CELF4: variants seen among roughly 807,000 people sequenced by gnomAD.
CELF4 encodes the protein CUG-BP- and ETR-3-like factor 4.
In CELF4, 18 loss-of-function variants were observed where a neutral mutation model predicts 59.9. That is an observed-to-expected ratio of 0.30 (90% CI 0.21 to 0.45). The LOEUF (loss-of-function observed/expected upper bound fraction) is 0.45, where lower values mean the gene tolerates loss of function less well. Among genes scored for constraint, CELF4 ranks in the 20% least tolerant of loss-of-function variants. The probability of loss-of-function intolerance (pLI) is 1.00; values close to 1 mark genes in which losing one functional copy is unlikely to be tolerated. For synonymous variants in CELF4, 261 were observed against 267.1 expected (o/e 0.98, Z 0.22); for missense variants, 456 against 689.0 (o/e 0.66, Z 3.79).
intron 2 of CELF4, among the ~76,000 whole-genome samples, chr18:37,435,095 CTTTGGGGGTAGAGAA>C (rs2099686281): frequency 6.6e-6 from 1 of 152,118 alleles, no homozygotes; most frequent in Non-Finnish European, 1.5e-5. Context: ...CTGGGTTCCC[CTTTGGGGGTAGAGAA>C]CCCAGGGAAA....
chr18:37,307,713 G>T (rs956502056), intron 3 of CELF4, among the ~76,000 whole-genome samples: 1 of 152,094 alleles, frequency 6.6e-6, no homozygotes, highest in African/African-American at 2.4e-5. Context: ...AGGAGGCTGT[G>T]GGGCCTGGTG....
intron 2 of CELF4, among the ~76,000 whole-genome samples, chr18:37,330,064 C>T (rs891470988): frequency 6.6e-6 from 1 of 152,162 alleles, no homozygotes; most frequent in African/African-American, 2.4e-5. Context: ...AATTTTCAGC[C>T]ATAGGGATAA....
chr18:37,354,723 A>T (rs530650074), intron 2 of CELF4, among the ~76,000 whole-genome samples: 115 of 152,102 alleles, frequency 7.6e-4, no homozygotes, highest in Middle Eastern at 3.4e-3. Flanking sequence ...AGGATGGGGG[A>T]CTTCAGGAGG....
At chr18:37,446,290 A>T (rs1440045188) in intron 2 of CELF4, among the ~76,000 whole-genome samples, 1 of 152,144 alleles carries the variant, frequency 6.6e-6, no homozygotes, top group Non-Finnish European at 1.5e-5. Context: ...AGGACCTTGT[A>T]TTGTAGGCCA....
chr18:37,334,372 T>A (rs1481924459), intron 2 of CELF4, among the ~76,000 whole-genome samples: 1 of 152,138 alleles, frequency 6.6e-6, no homozygotes, highest in Non-Finnish European at 1.5e-5. Context: ...TCTGGGCCTG[T>A]CACCCTGACA....
At chr18:37,433,046 A>G (rs1056916294) in intron 2 of CELF4, among the ~76,000 whole-genome samples, 5 of 152,254 alleles carry the variant, frequency 3.3e-5, no homozygotes, top group Middle Eastern at 3.4e-3. Context: ...TACAAAACCA[A>G]TGAGTGGATT....
At chr18:37,379,950 G>C (rs1475644089) in intron 2 of CELF4, among the ~76,000 whole-genome samples, 1 of 152,172 alleles carries the variant, frequency 6.6e-6, no homozygotes, top group Non-Finnish European at 1.5e-5. Context: ...CTCACCCTTA[G>C]ACCCACCCTT....
intron 2 of CELF4, among the ~76,000 whole-genome samples, chr18:37,355,940 G>A (rs575261282): frequency 6.6e-6 from 1 of 152,282 alleles, no homozygotes; most frequent in Non-Finnish European, 1.5e-5. Context: ...GCCTCGGAAT[G>A]CCCTGGAGGC....
At chr18:37,377,793 G>A in intron 2 of CELF4, among the ~76,000 whole-genome samples, 1 of 152,138 alleles carries the variant, frequency 6.6e-6, no homozygotes, top group East Asian at 1.9e-4. Context: ...TGGGAAGGAT[G>A]CATTCGTTCT....
At chr18:37,485,423 C>A (rs2099878988) in intron 2 of CELF4, 102 bp downstream of exon 2, 1 of 472,376 alleles carries the variant, frequency 2.1e-6, no homozygotes, top group South Asian at 8.7e-5. Flanking sequence ...GGGCGGCGGG[C>A]GCCCTGCCGT....
intron 2 of CELF4, among the ~76,000 whole-genome samples, chr18:37,466,552 G>A (rs1329500056): frequency 6.6e-6 from 1 of 152,144 alleles, no homozygotes; most frequent in Non-Finnish European, 1.5e-5. Context: ...CTCCCACAAA[G>A]TGGGTCTGGT....
At chr18:37,561,900 T>C (rs959231470) in intron 1 of CELF4, among the ~76,000 whole-genome samples, 1 of 152,226 alleles carries the variant, frequency 6.6e-6, no homozygotes. Context: ...TTTCCCAAAG[T>C]GCTCTAATAG....
chr18:37,343,291 T>C (rs563892627), intron 2 of CELF4, among the ~76,000 whole-genome samples: 1 of 150,032 alleles, frequency 6.7e-6, no homozygotes, highest in Non-Finnish European at 1.5e-5. Context: ...CTGTGTGCAT[T>C]TGGGTGTGGG....
chr18:37,328,645 C>T (rs72885304), intron 2 of CELF4, among the ~76,000 whole-genome samples: 7,824 of 152,308 alleles, frequency 0.051, 260 homozygotes, highest in Middle Eastern at 0.11. Flanking sequence ...GCAGTCCTTG[C>T]CCACCTACTT....
intron 3 of CELF4, among the ~76,000 whole-genome samples, chr18:37,297,122 T>TGG (rs2095695852): frequency 6.6e-6 from 1 of 152,032 alleles, no homozygotes; most frequent in African/African-American, 2.4e-5. Flanking sequence ...GGGAGGCCAG[T>TGG]GGAAAGGCCA....
chr18:37,540,211 C>T (rs75122371), intron 1 of CELF4, among the ~76,000 whole-genome samples: 2,590 of 152,246 alleles, frequency 0.017, 84 homozygotes, highest in African/African-American at 0.059. Flanking sequence ...TTGCTGGTAC[C>T]CAGGAGGATG....
At chr18:37,556,709 C>T (rs931841229) in intron 1 of CELF4, among the ~76,000 whole-genome samples, 5 of 152,138 alleles carry the variant, frequency 3.3e-5, no homozygotes, top group Admixed American at 2.0e-4. Flanking sequence ...TGCCCCCTTG[C>T]TTGTCCCTGT....
chr18:37,280,352 C>A (rs992622808), intron 3 of CELF4, among the ~76,000 whole-genome samples: 13 of 152,192 alleles, frequency 8.5e-5, no homozygotes, highest in African/African-American at 2.9e-4. Context: ...ATTGTTAGAA[C>A]AGAGGATCTG....
chr18:37,344,716 C>A (rs1043528828), intron 2 of CELF4, among the ~76,000 whole-genome samples: 27 of 152,184 alleles, frequency 1.8e-4, no homozygotes, highest in African/African-American at 6.5e-4. Flanking sequence ...TACATGTTGG[C>A]AGAGGGTTTT....
Sources: allele counts gnomAD v4.1 joint callset (sites outside exome capture counted in the v4.1 genomes callset), GRCh38; gene constraint gnomAD v4.1.1; transcripts MANE v1.5; gene names NCBI Gene and HGNC (gene_info 2026-07-23, HGNC 2026-07-21).